CACNB2: variants seen among roughly 807,000 people sequenced by gnomAD.
CACNB2 encodes calcium voltage-gated channel auxiliary subunit beta 2, also known as voltage-dependent L-type calcium channel subunit beta-2.
Under a neutral mutation model 73.3 loss-of-function variants are expected in CACNB2, and 42 were observed. That is an observed-to-expected ratio of 0.57 (90% CI 0.45 to 0.74). The LOEUF (loss-of-function observed/expected upper bound fraction) is 0.74, where lower values mean the gene tolerates loss of function less well. Among genes scored for constraint, CACNB2 ranks in the 30% least tolerant of loss-of-function variants. The probability of loss-of-function intolerance (pLI) is 0.00; values close to 1 mark genes in which losing one functional copy is unlikely to be tolerated. For synonymous variants in CACNB2, 348 were observed against 310.3 expected (o/e 1.12, Z -1.28); for missense variants, 940 against 853.0 (o/e 1.10, Z -1.27).
At chr10:18,243,055 A>T (rs2036726160) in intron 2 of CACNB2, among the ~76,000 whole-genome samples, 1 of 151,844 alleles carries the variant, frequency 6.6e-6, no homozygotes, top group Non-Finnish European at 1.5e-5. Context: ...TCTTGAACAT[A>T]TATTGAGATA....
intron 2 of CACNB2, among the ~76,000 whole-genome samples, chr10:18,193,698 C>T (rs1442798304): frequency 6.6e-6 from 1 of 152,046 alleles, no homozygotes; most frequent in Non-Finnish European, 1.5e-5. Context: ...AGCTGGTGGG[C>T]TATGGAGGAG....
intron 2 of CACNB2, among the ~76,000 whole-genome samples, chr10:18,301,693 G>C (rs1811654734): frequency 6.6e-6 from 1 of 150,918 alleles, no homozygotes; most frequent in Admixed American, 6.6e-5. Flanking sequence ...CTGTCACCCA[G>C]GCTGGAGTGC....
At position 18,406,398 on chromosome 10, in the gene CACNB2, A is replaced by T. The variant is rs571731554; in HGVS notation, c.333+4355A>T. Reference sequence around the variant, plus strand: ...AGGAGGTGAACAGCAGCAGCCAGACAGGAAGCTTCATCTATATTTACAGCC... The same window carrying T: ...AGGAGGTGAACAGCAGCAGCCAGACTGGAAGCTTCATCTATATTTACAGCC... On this transcript the variant is annotated intron_variant, in intron 3 of 13. Coordinates refer to ENST00000324631, the MANE Select transcript of CACNB2 (RefSeq NM_201596.3). 6.6e-5 allele frequency among the ~76,000 whole-genome samples: 10 copies of T among 152,276 alleles called. No homozygotes were observed. The South Asian group carries it at 2.1e-3, about 32-fold the overall frequency.
intron 2 of CACNB2, among the ~76,000 whole-genome samples, chr10:18,167,618 C>T (rs1293076611): frequency 2.0e-5 from 3 of 152,048 alleles, no homozygotes; most frequent in East Asian, 1.9e-4. Flanking sequence ...TTATTTTATT[C>T]GAGGCCCTGC....
intron 2 of CACNB2, among the ~76,000 whole-genome samples, chr10:18,159,418 C>A (rs1215880489): frequency 2.0e-5 from 3 of 152,178 alleles, no homozygotes; most frequent in Non-Finnish European, 4.4e-5. Context: ...CGGGGAAGAA[C>A]TTTGCAACTG....
chr10:18,426,483 T>C (rs2045604985), intron 3 of CACNB2, among the ~76,000 whole-genome samples: 1 of 152,214 alleles, frequency 6.6e-6, no homozygotes, highest in South Asian at 2.1e-4. Flanking sequence ...TTATGAATTT[T>C]CTGTAGATTC....
chr10:18,150,879 T>TTTTTTTTTTTTTTTTTTTTTG lies in CACNB2; in HGVS notation c.121-3_121-2insTTTTTTTTTTTTTTTTTTTGT, dbSNP rs769211879. 47 of 1,259,858 alleles carry TTTTTTTTTTTTTTTTTTTTTG rather than the reference T, an allele frequency of 3.7e-5. 6 individuals carry two copies. Among genetic ancestry groups the TTTTTTTTTTTTTTTTTTTTTG allele is most frequent in the Middle Eastern group, 2.2e-4 (1 of 4,486 alleles). The allele number at this position is 1,259,858 out of a possible 1,614,324, so 78.0% of individuals were successfully genotyped here. ...TCTTTTTTTTTTTTTTTTTTTTTTT[T>TTTTTTTTTTTTTTTTTTTTTG]TAGTCATATGGAAAAGGAGCCAGAA... On this transcript the variant is annotated splice_polypyrimidine_tract_variant and splice_region_variant and intron_variant, in intron 1 of 13. Coordinates refer to ENST00000324631, the MANE Select transcript of CACNB2 (RefSeq NM_201596.3).
intron 3 of CACNB2, among the ~76,000 whole-genome samples, chr10:18,474,273 G>A (rs112299908): frequency 3.3e-5 from 5 of 152,262 alleles, no homozygotes; most frequent in African/African-American, 4.8e-5. Flanking sequence ...GCCTAGGGCC[G>A]GAGGGGCAGG....
intron 3 of CACNB2, among the ~76,000 whole-genome samples, chr10:18,418,340 T>G (rs1180607264): frequency 6.6e-6 from 1 of 152,252 alleles, no homozygotes; most frequent in Non-Finnish European, 1.5e-5. Context: ...ACTCCATTTT[T>G]AAGGAAGGAA....
intron 3 of CACNB2, among the ~76,000 whole-genome samples, chr10:18,453,969 G>C (rs1275815953): frequency 6.6e-6 from 1 of 152,186 alleles, no homozygotes; most frequent in African/African-American, 2.4e-5. Flanking sequence ...GTAGCATGGA[G>C]GTGCCTGGAG....
intron 9 of CACNB2, among the ~76,000 whole-genome samples, chr10:18,526,252 A>C (rs895534991): frequency 1.3e-5 from 2 of 152,202 alleles, no homozygotes; most frequent in African/African-American, 4.8e-5. Flanking sequence ...GGGGATATAA[A>C]TATAAGCCTG....
intron 2 of CACNB2, among the ~76,000 whole-genome samples, chr10:18,252,180 T>C (rs1465429495): frequency 6.6e-6 from 1 of 152,224 alleles, no homozygotes; most frequent in African/African-American, 2.4e-5. Flanking sequence ...AATGTTGCTA[T>C]GGTGGGAAAC....
chr10:18,245,982 A>G (rs897604886), intron 2 of CACNB2, among the ~76,000 whole-genome samples: 5 of 152,210 alleles, frequency 3.3e-5, no homozygotes, highest in Admixed American at 6.5e-5. Flanking sequence ...AGCACTGGAA[A>G]TAAATGGTCA....
At chr10:18,154,910 C>A (rs529621628) in intron 2 of CACNB2, among the ~76,000 whole-genome samples, 79 of 152,302 alleles carry the variant, frequency 5.2e-4, no homozygotes, top group African/African-American at 1.8e-3. Context: ...GACACCTTGA[C>A]CTTGGGCTTT....
chr10:18,201,652 G>A (rs1338815676), intron 2 of CACNB2, among the ~76,000 whole-genome samples: 1 of 152,122 alleles, frequency 6.6e-6, no homozygotes, highest in East Asian at 1.9e-4. Flanking sequence ...ATAAAATATA[G>A]AAATGATCAG....
intron 2 of CACNB2, among the ~76,000 whole-genome samples, chr10:18,357,083 T>G (rs1022486363): frequency 1.3e-4 from 20 of 150,052 alleles, no homozygotes; most frequent in African/African-American, 4.7e-4. Flanking sequence ...TAGCTGGGAC[T>G]ACAGGCGCGC....
chr10:18,205,785 C>G lies in CACNB2; in HGVS notation c.213+54810C>G, dbSNP rs138170410. Reference sequence around the variant, plus strand: ...TGTTTCAATGTTCCCTGCTCCTCATCAAAACCTAACTCCTCCAGTGATTTA... The same window carrying G: ...TGTTTCAATGTTCCCTGCTCCTCATGAAAACCTAACTCCTCCAGTGATTTA... On this transcript the variant is annotated intron_variant, in intron 2 of 13. Coordinates refer to ENST00000324631, the MANE Select transcript of CACNB2 (RefSeq NM_201596.3). Among the ~76,000 whole-genome samples, 14 of 152,230 alleles carry G rather than the reference C, an allele frequency of 9.2e-5. No homozygotes were observed. The East Asian group carries it at 2.5e-3, about 27-fold the overall frequency.
At chr10:18,324,634 C>A (rs2040513753) in intron 2 of CACNB2, among the ~76,000 whole-genome samples, 1 of 152,256 alleles carries the variant, frequency 6.6e-6, no homozygotes, top group Non-Finnish European at 1.5e-5. Flanking sequence ...GGGTGGATCT[C>A]TTCTTAAAGT....
intron 3 of CACNB2, among the ~76,000 whole-genome samples, chr10:18,476,087 C>A (rs1236047751): frequency 6.6e-6 from 1 of 152,176 alleles, no homozygotes; most frequent in Non-Finnish European, 1.5e-5. Context: ...ACTAAACAAG[C>A]AGTGGATTGT....
Sources: gnomAD v4.1 joint callset for allele counts (sites outside exome capture counted in the v4.1 genomes callset) on GRCh38, gnomAD v4.1.1 for gene constraint, MANE v1.5 for transcripts, NCBI Gene and HGNC (gene_info 2026-07-23, HGNC 2026-07-21) for gene names.